STPG2: variants seen among roughly 807,000 people sequenced by gnomAD.
STPG2 encodes the protein sperm tail PG-rich repeat containing 2.
In STPG2, 56 loss-of-function variants were observed where a neutral mutation model predicts 54.2. The ratio of observed to expected loss-of-function variants is 1.03; its 90% CI spans 0.83 to 1.29. The LOEUF is 1.29. STPG2 is among the 50% of genes most tolerant of loss of function. The pLI, the probability that STPG2 is intolerant of heterozygous loss-of-function variation, is 0.00. For missense variants in STPG2, 596 were observed against 544.9 expected, an observed-to-expected ratio of 1.09 and a Z score of -0.93; for synonymous variants, 200 against 181.8, an observed-to-expected ratio of 1.10 and a Z score of -0.81.
At chr4:97,950,691 T>C (rs1316574604) in intron 7 of STPG2, among the ~76,000 whole-genome samples, 1 of 152,204 alleles carries the variant, frequency 6.6e-6, no homozygotes, top group Non-Finnish European at 1.5e-5. Flanking sequence ...CAACTTCATC[T>C]TTCTTCTGAC....
chr4:98,013,726 T>C (rs532906966), intron 5 of STPG2, among the ~76,000 whole-genome samples: 9 of 151,964 alleles, frequency 5.9e-5, no homozygotes, highest in Admixed American at 5.9e-4. Flanking sequence ...AATTTATCCA[T>C]TTTTTCTAGA....
At chr4:97,492,835 T>C (rs952770040) in intron 4 of STPG2, among the ~76,000 whole-genome samples, 14 of 150,838 alleles carry the variant, frequency 9.3e-5, no homozygotes, top group South Asian at 2.1e-4. Context: ...TTATACTATA[T>C]ATTTTGGAAG....
chr4:97,607,611 C>A (rs980300247), intron 10 of STPG2, among the ~76,000 whole-genome samples: 3 of 151,952 alleles, frequency 2.0e-5, no homozygotes, highest in Non-Finnish European at 4.4e-5. Context: ...AAATACATTG[C>A]CCGAACTAAC....
At chr4:98,029,420 A>G (rs1467809577) in intron 5 of STPG2, among the ~76,000 whole-genome samples, 3 of 152,136 alleles carry the variant, frequency 2.0e-5, no homozygotes, top group African/African-American at 7.2e-5. Flanking sequence ...CTTTTTCATT[A>G]TGAAATATCC....
chr4:97,639,576 T>C (rs1349428676), intron 10 of STPG2, among the ~76,000 whole-genome samples: 2 of 152,012 alleles, frequency 1.3e-5, no homozygotes, highest in African/African-American at 2.4e-5. Flanking sequence ...AATTCTTTGA[T>C]ATTTAATGAA....
intron 8 of STPG2, among the ~76,000 whole-genome samples, chr4:97,879,919 A>T (rs1730309529): frequency 6.6e-6 from 1 of 152,218 alleles, no homozygotes; most frequent in Non-Finnish European, 1.5e-5. Flanking sequence ...AAATAGAGTT[A>T]CCATATTATC....
chr4:97,941,076 C>T (rs754912937), intron 8 of STPG2, among the ~76,000 whole-genome samples: 1 of 151,978 alleles, frequency 6.6e-6, no homozygotes, highest in Non-Finnish European at 1.5e-5. Flanking sequence ...AGAGGGAGAA[C>T]TCTATATCCA....
At chr4:97,443,924 A>C (rs1377835656) in intron 4 of STPG2, among the ~76,000 whole-genome samples, 1 of 152,300 alleles carries the variant, frequency 6.6e-6, no homozygotes, top group East Asian at 1.9e-4. Flanking sequence ...ATAAAGAATA[A>C]AATGCTTAAC....
intron 4 of STPG2, among the ~76,000 whole-genome samples, chr4:97,540,170 A>G (rs1434208028): frequency 6.6e-6 from 1 of 152,200 alleles, no homozygotes; most frequent in African/African-American, 2.4e-5. Flanking sequence ...CCTTCAAAAA[A>G]TCAATGAATC....
chr4:98,061,137 C>G (rs1398940278), intron 5 of STPG2, among the ~76,000 whole-genome samples: 1 of 152,154 alleles, frequency 6.6e-6, no homozygotes, highest in Non-Finnish European at 1.5e-5. Flanking sequence ...AGACAACCTA[C>G]AGATGGGAGA....
At chr4:98,102,893 GTAATA>G (rs1739086166) in intron 5 of STPG2, among the ~76,000 whole-genome samples, 2 of 148,290 alleles carry the variant, frequency 1.3e-5, no homozygotes, top group African/African-American at 2.5e-5. Context: ...ATATTAACAT[GTAATA>G]TAATATATAA....
At chr4:98,043,238 T>A (rs1241600737) in intron 5 of STPG2, among the ~76,000 whole-genome samples, 3 of 152,080 alleles carry the variant, frequency 2.0e-5, no homozygotes, top group African/African-American at 7.2e-5. Flanking sequence ...CTAAAGTGAG[T>A]TTCTTATAAC....
chr4:97,786,424 A>G (rs543926513), intron 9 of STPG2, among the ~76,000 whole-genome samples: 1 of 152,136 alleles, frequency 6.6e-6, no homozygotes, highest in Admixed American at 6.6e-5. Flanking sequence ...TGTTGTCATA[A>G]GTCACATTTT....
At chr4:97,522,152 A>C (rs1392953041) in intron 4 of STPG2, among the ~76,000 whole-genome samples, 1 of 152,084 alleles carries the variant, frequency 6.6e-6, no homozygotes, top group Non-Finnish European at 1.5e-5. Flanking sequence ...ATAATTACAA[A>C]TATTAAATTA....
chr4:97,694,384 A>G (rs1350094044), intron 10 of STPG2, among the ~76,000 whole-genome samples: 1 of 152,144 alleles, frequency 6.6e-6, no homozygotes, highest in Non-Finnish European at 1.5e-5. Flanking sequence ...GCTGCTATGA[A>G]CAACTTTACA....
At chr4:97,600,772 G>A (rs564827546) in intron 10 of STPG2, among the ~76,000 whole-genome samples, 8 of 152,134 alleles carry the variant, frequency 5.3e-5, no homozygotes, top group South Asian at 2.1e-4. Flanking sequence ...TATATAGACC[G>A]TTAAAGCCTA....
At chr4:98,070,993 G>A (rs548193764) in intron 5 of STPG2, among the ~76,000 whole-genome samples, 1 of 151,784 alleles carries the variant, frequency 6.6e-6, no homozygotes, top group Admixed American at 6.6e-5. Flanking sequence ...CATGTTTAGG[G>A]GCTCTCTGGG....
At chr4:98,070,584 CA>C (rs139564649) in intron 5 of STPG2, among the ~76,000 whole-genome samples, 5,595 of 151,740 alleles carry the variant, frequency 0.037, 167 homozygotes, top group Non-Finnish European at 0.061. Flanking sequence ...ATTATCTTCG[CA>C]AATGACATAA....
At chr4:97,611,446 A>C (rs1315944025) in intron 10 of STPG2, among the ~76,000 whole-genome samples, 1 of 151,954 alleles carries the variant, frequency 6.6e-6, no homozygotes, top group Non-Finnish European at 1.5e-5. Flanking sequence ...GGCTTTTATA[A>C]TAAAAGACTA....
Sources: gnomAD v4.1 joint callset for allele counts (sites outside exome capture counted in the v4.1 genomes callset) on GRCh38, gnomAD v4.1.1 for gene constraint, MANE v1.5 for transcripts, NCBI Gene and HGNC (gene_info 2026-07-23, HGNC 2026-07-21) for gene names.